Variants in SLC45A1 observed in about 807,000 individuals in gnomAD.
SLC45A1 encodes proton-associated sugar transporter A.
SLC45A1 carries 28 observed loss-of-function variants against 57.6 expected under a neutral mutation model. The ratio of observed to expected loss-of-function variants is 0.49; its 90% CI spans 0.36 to 0.67. The LOEUF is 0.67. Among genes scored for constraint, SLC45A1 ranks in the 30% least tolerant of loss-of-function variants. The probability of loss-of-function intolerance (pLI) is 0.00; values close to 1 mark genes in which losing one functional copy is unlikely to be tolerated. For synonymous variants in SLC45A1, 459 were observed against 471.5 expected, an observed-to-expected ratio of 0.97 and a Z score of 0.34; for missense variants, 814 against 1,041.5, an observed-to-expected ratio of 0.78 and a Z score of 3.01.
At chr1:8,331,556 G>A (rs1640412180) in intron 5 of SLC45A1, among the ~76,000 whole-genome samples, 1 of 152,152 alleles carries the variant, frequency 6.6e-6, no homozygotes, top group African/African-American at 2.4e-5. Flanking sequence ...AAGGAGGATG[G>A]CTTGAGCCCA....
intron 1 of SLC45A1, among the ~76,000 whole-genome samples, chr1:8,319,730 T>G (rs761760129): frequency 1.2e-4 from 18 of 152,104 alleles, no homozygotes; most frequent in South Asian, 2.1e-4. Flanking sequence ...TGTTGTTGTT[T>G]TTTGAGACAA....
chr1:8,340,745 A>G (rs1640782518), intron 8 of SLC45A1, among the ~76,000 whole-genome samples: 2 of 152,198 alleles, frequency 1.3e-5, no homozygotes, highest in African/African-American at 4.8e-5. Flanking sequence ...GCATGGCTTA[A>G]TAACAACGAA....
chr1:8,324,181 T>A lies in SLC45A1; in HGVS notation c.-24-125T>A. 5.7e-6 allele frequency: 5 copies of A among 879,058 alleles called. No individual in the cohort carries two copies. In the South Asian group the frequency reaches 8.1e-5, roughly 14 times the overall value. 54.5% of individuals were successfully genotyped at this position (879,058 alleles called of 1,614,324 possible). ...AAGTGAGGCCCCGGAGCATCAACCATGAGCAGTGCATTCTGCTTTCGGGGG... is the reference window on the plus strand; with the variant it reads ...AAGTGAGGCCCCGGAGCATCAACCAAGAGCAGTGCATTCTGCTTTCGGGGG... On this transcript the variant is annotated intron_variant, in intron 1 of 8. Coordinates refer to ENST00000471889, the MANE Select transcript of SLC45A1 (RefSeq NM_001080397.3).
Position 8,335,610 on chromosome 1 carries a change from T to TG in SLC45A1, c.1597+20_1597+21insG. 6.3e-7 allele frequency: 1 copy of TG among 1,583,606 alleles called. No individual in the cohort carries two copies. The highest frequency in any genetic ancestry group is 8.6e-7 in the Non-Finnish European group (1 of 1,168,132). ...TCCTGGGTGAGCTCCCGGCCAAGCC[T>TG]CCCCGTGAGTCCTGGTCCTGCTCAG... On this transcript the variant is annotated intron_variant, in intron 6 of 8. Transcript: ENST00000471889. This position sits in a 1 kb window ranked among gnomAD's most constrained non-coding sequence, Gnocchi z 4.1.
chr1:8,320,692 T>TCTACAC (rs1254589597), intron 1 of SLC45A1, among the ~76,000 whole-genome samples: 50 of 101,312 alleles, frequency 4.9e-4, no homozygotes, highest in African/African-American at 1.5e-3. Context: ...TCTCTCTCTC[T>TCTACAC]ACACACACAC....
chr1:8,329,914 GA>G (rs1640328885), intron 4 of SLC45A1, among the ~76,000 whole-genome samples: 1 of 152,236 alleles, frequency 6.6e-6, no homozygotes, highest in South Asian at 2.1e-4. Flanking sequence ...AGGTTACGGG[GA>G]AAGTGGAACA....
intron 8 of SLC45A1, among the ~76,000 whole-genome samples, chr1:8,340,352 C>T (rs1011415404): frequency 4.6e-5 from 7 of 151,946 alleles, no homozygotes; most frequent in South Asian, 2.1e-4. Context: ...TTAGTAGAGA[C>T]GGGGTTTCAC....
intron 8 of SLC45A1, among the ~76,000 whole-genome samples, chr1:8,339,900 G>A (rs780009460): frequency 4.6e-5 from 7 of 152,198 alleles, no homozygotes; most frequent in Non-Finnish European, 8.8e-5. Context: ...TTCATTAGCA[G>A]AAGCCTCCAG....
rs778931295 is a variant in SLC45A1, at chr1:8,330,705, C to A, written c.1212C>A (p.Phe404Leu). ...SVPRPPISVSFPRAPDGFYRQ... is the reference protein window; with the variant it reads ...SVPRPPISVSLPRAPDGFYRQ... ...CCAGGCCGCCCATCAGCGTCAGCTT[C>A]CCCCGGGCCCCCGACGGCTTCTACC... Residue 404 changes from phenylalanine (F) to leucine (L), a missense_variant, in exon 5 of 9, where the codon TTC becomes TTA. Phe to Leu is a conservative substitution (Grantham distance 22). Transcript: ENST00000471889. This position sits in a 1 kb window ranked among gnomAD's most constrained non-coding sequence, Gnocchi z 8.4. 3 of 1,613,014 alleles carry A rather than the reference C, an allele frequency of 1.9e-6. No homozygotes were observed. The highest frequency in any genetic ancestry group is 2.5e-6 in the Non-Finnish European group (3 of 1,179,942).
chr1:8,338,191 C>G (rs79281147), intron 7 of SLC45A1, among the ~76,000 whole-genome samples, 199 bp downstream of exon 7: 1 of 152,244 alleles, frequency 6.6e-6, no homozygotes, highest in Non-Finnish European at 1.5e-5. Flanking sequence ...AGCCTCAGGC[C>G]TCCCAGAGCT....
intron 1 of SLC45A1, among the ~76,000 whole-genome samples, chr1:8,321,999 A>ATGGG (rs1640024381): frequency 3.7e-5 from 1 of 26,930 alleles, no homozygotes. Flanking sequence ...GGATGGATGG[A>ATGGG]TGGATGGATG....
At chr1:8,329,619 C>T (rs1051839097) in intron 4 of SLC45A1, among the ~76,000 whole-genome samples, 1 of 152,318 alleles carries the variant, frequency 6.6e-6, no homozygotes, top group East Asian at 1.9e-4. Context: ...TGCCCCGAGG[C>T]GTGGAATGAG....
chr1:8,322,449 T>A (rs1231511949), intron 1 of SLC45A1, among the ~76,000 whole-genome samples: 1 of 151,604 alleles, frequency 6.6e-6, no homozygotes, highest in Non-Finnish European at 1.5e-5. Flanking sequence ...AGTCATTGGA[T>A]TAACACAGTG....
Position 8,343,522 on chromosome 1 carries a change from A to T in SLC45A1, c.1981-225A>T, listed in dbSNP as rs910375999. On this transcript the variant is annotated intron_variant, in intron 8 of 8. Transcript: ENST00000471889. The surrounding 1 kb of genome is among the most constrained non-coding windows in gnomAD (Gnocchi z 7.7). ...CCGCCACCTCGGCCCGTGGGAGCTCAGCCCTCTGCCCCATTAGTCATGGAT... is the reference window on the plus strand; with the variant it reads ...CCGCCACCTCGGCCCGTGGGAGCTCTGCCCTCTGCCCCATTAGTCATGGAT... Among the ~76,000 whole-genome samples, 5 of 152,132 alleles carry T rather than the reference A, an allele frequency of 3.3e-5. No individual in the cohort carries two copies. Among genetic ancestry groups the T allele is most frequent in the Admixed American group, 3.3e-4 (5 of 15,274 alleles).
intron 5 of SLC45A1, among the ~76,000 whole-genome samples, chr1:8,332,113 C>T (rs192916509): frequency 1.5e-3 from 221 of 152,324 alleles, no homozygotes; most frequent in African/African-American, 4.8e-3. Context: ...TAAACACTTA[C>T]GTTTGCCCAA....
At position 8,335,352 on chromosome 1, in the gene SLC45A1, G is replaced by C. The variant is rs771793323; in HGVS notation, c.1444-85G>C. The C allele has an allele frequency of 3.0e-6, 4 of 1,320,684 alleles. No homozygotes were observed. The African/African-American group carries it at 6.0e-5, about 20-fold the overall frequency. 81.8% of individuals were successfully genotyped at this position (1,320,684 alleles called of 1,614,324 possible). On this transcript the variant is annotated intron_variant, in intron 5 of 8. Coordinates refer to ENST00000471889, the MANE Select transcript of SLC45A1 (RefSeq NM_001080397.3). This position sits in a 1 kb window ranked among gnomAD's most constrained non-coding sequence, Gnocchi z 4.1. ...TGCAGCCTCCGTGCGGTGTTTCCGA[G>C]AGCGCATTCCCCTGAGCAGAGCAGG...
Position 8,325,530 on chromosome 1 carries a change from G to A in SLC45A1, c.490+140G>A, listed in dbSNP as rs957422615. 49 of 664,416 alleles carry A rather than the reference G, an allele frequency of 7.4e-5. No individual in the cohort carries two copies. In the African/African-American group the frequency reaches 7.5e-4, roughly 10 times the overall value. The allele number at this position is 664,416 out of a possible 1,614,324, so 41.2% of individuals were successfully genotyped here. ...GGCCCGCACTGGTGTGAGGCAGGGAGTGCCCCGCAACCTGGCCTCAGTTAA... is the reference window on the plus strand; with the variant it reads ...GGCCCGCACTGGTGTGAGGCAGGGAATGCCCCGCAACCTGGCCTCAGTTAA... On this transcript the variant is annotated intron_variant, in intron 3 of 8. Coordinates refer to ENST00000471889, the MANE Select transcript of SLC45A1 (RefSeq NM_001080397.3). This position sits in a 1 kb window ranked among gnomAD's most constrained non-coding sequence, Gnocchi z 6.3.
At chr1:8,342,737 A>C (rs1204868346) in intron 8 of SLC45A1, among the ~76,000 whole-genome samples, 1 of 152,122 alleles carries the variant, frequency 6.6e-6, no homozygotes, top group Non-Finnish European at 1.5e-5. Flanking sequence ...CTCTAAAAAA[A>C]TAAAATTAAA....
At chr1:8,318,242 G>A in intron 1 of SLC45A1, 56 bp downstream of exon 1, 1 of 413,150 alleles carries the variant, frequency 2.4e-6, no homozygotes, top group Non-Finnish European at 4.4e-6. Context: ...GCCTGCCGGG[G>A]CGCCGCGCCC....
Sources: allele counts gnomAD v4.1 joint callset (sites outside exome capture counted in the v4.1 genomes callset), GRCh38; gene constraint gnomAD v4.1.1; non-coding constraint Gnocchi (gnomAD v3.1); transcripts MANE v1.5; gene names NCBI Gene and HGNC (gene_info 2026-07-23, HGNC 2026-07-21).